The following STIM2 variants were observed in gnomAD, a reference collection of about 807,000 sequenced individuals.
STIM2 encodes the protein stromal interaction molecule 2.
In STIM2, 31 loss-of-function variants were observed where a neutral mutation model predicts 85.8. The ratio of observed to expected loss-of-function variants is 0.36; its 90% CI spans 0.27 to 0.49. STIM2 has a LOEUF of 0.49. Among genes scored for constraint, STIM2 ranks in the 20% least tolerant of loss-of-function variants. The pLI, the probability that STIM2 is intolerant of heterozygous loss-of-function variation, is 0.98. For missense variants in STIM2, 841 were observed against 927.6 expected, an observed-to-expected ratio of 0.91 and a Z score of 1.21; for synonymous variants, 356 against 331.1, an observed-to-expected ratio of 1.08 and a Z score of -0.82.
At chr4:26,965,016 C>T (rs1726657784) in intron 3 of STIM2, among the ~76,000 whole-genome samples, 1 of 152,146 alleles carries the variant, frequency 6.6e-6, no homozygotes, top group Non-Finnish European at 1.5e-5. Context: ...AAACACAAGG[C>T]TGTTAATATG....
At chr4:26,949,158 C>T (rs1020506480) in intron 2 of STIM2, among the ~76,000 whole-genome samples, 16 of 152,058 alleles carry the variant, frequency 1.1e-4, no homozygotes, top group African/African-American at 3.9e-4. Context: ...TAAATCTTGA[C>T]AAATTAATTT....
chr4:26,862,096 G>A (rs1722232968), intron 1 of STIM2, among the ~76,000 whole-genome samples: 1 of 152,132 alleles, frequency 6.6e-6, no homozygotes, highest in Non-Finnish European at 1.5e-5. Context: ...GCAGCTGGCA[G>A]CACAGTTCTG....
Position 27,002,315 on chromosome 4 carries a change from A to C in STIM2, c.724A>C (p.Lys242Gln). 1.2e-6 allele frequency: 2 copies of C among 1,613,708 alleles called. No homozygotes were observed. Among genetic ancestry groups the C allele is most frequent in the Non-Finnish European group, 1.7e-6 (2 of 1,179,840 alleles). ...TGCTTATACGCAGAATAAGACATCA[A>C]AAGAACATGTTGCAAAAATGATGAA... Residue 242 changes from lysine to glutamine, a missense_variant, in exon 6 of 12, where the codon AAA (lysine) becomes CAA (glutamine). This residue lies in a region of STIM2 where 408 missense variants were observed against 525.4 expected (regional missense o/e 0.78). Coordinates refer to ENST00000467087, the MANE Select transcript of STIM2 (RefSeq NM_020860.4).
intron 1 of STIM2, among the ~76,000 whole-genome samples, chr4:26,864,790 A>G (rs1722335868): frequency 6.6e-6 from 1 of 152,168 alleles, no homozygotes; most frequent in African/African-American, 2.4e-5. Flanking sequence ...AATAGCATTT[A>G]GAATGGCCAC....
At chr4:26,962,559 AGT>A (rs34301656) in intron 3 of STIM2, among the ~76,000 whole-genome samples, 28,649 of 142,322 alleles carry the variant, frequency 0.2, 2,598 homozygotes, top group East Asian at 0.36. Context: ...ACTTTAATGC[AGT>A]GTGTGTGTGT....
At chr4:26,874,905 T>C (rs1353562295) in intron 1 of STIM2, among the ~76,000 whole-genome samples, 1 of 152,240 alleles carries the variant, frequency 6.6e-6, no homozygotes, top group Non-Finnish European at 1.5e-5. Context: ...TTACTTTTAA[T>C]GCTGTGGTTA....
At chr4:26,877,122 C>T (rs1722840006) in intron 1 of STIM2, among the ~76,000 whole-genome samples, 1 of 152,064 alleles carries the variant, frequency 6.6e-6, no homozygotes, top group Non-Finnish European at 1.5e-5. Flanking sequence ...CCCTTTGGGA[C>T]ACCAATTAAG....
rs1728463745 is a variant in STIM2, at chr4:27,008,845, G to A, written c.1332G>A (p.Gln444=). Residue 444 remains glutamine, a synonymous_variant, in exon 10 of 12, where the codon CAG becomes CAA. Coordinates refer to ENST00000467087, the MANE Select transcript of STIM2 (RefSeq NM_020860.4). ...AAATTGAGAAGATCTGTGGCTTTCA[G>A]ATAGCCCATAACTCAGGACTCCCCA... The A allele has an allele frequency of 6.2e-7, 1 of 1,614,152 alleles. No homozygotes were observed. Among genetic ancestry groups the A allele is most frequent in the Non-Finnish European group, 8.5e-7 (1 of 1,180,016 alleles).
At chr4:26,953,180 G>A (rs1726120268) in intron 2 of STIM2, among the ~76,000 whole-genome samples, 1 of 152,058 alleles carries the variant, frequency 6.6e-6, no homozygotes, top group South Asian at 2.1e-4. Context: ...TTTGTTTCAG[G>A]ATATCTGAAA....
chr4:26,958,208 GTTCTCAAGGTGTA>G (rs1726322755), intron 3 of STIM2, among the ~76,000 whole-genome samples: 1 of 152,008 alleles, frequency 6.6e-6, no homozygotes. Flanking sequence ...CTACTGTTAA[GTTCTCAAGGTGTA>G]TTATGGACAG....
At chr4:27,007,457 T>TTGG in intron 7 of STIM2, 76 bp from the exon 8 acceptor site, 1 of 1,047,342 alleles carries the variant, frequency 9.5e-7, no homozygotes, top group Non-Finnish European at 1.3e-6. Context: ...TTTTTTTTAG[T>TTGG]TTGGGTTCTA....
At position 26,892,537 on chromosome 4, in the gene STIM2, A is replaced by G. The variant is rs538681782; in HGVS notation, c.152-26967A>G. ...AACATATGAATTTTTTTGGGGGGGG[A>G]CGCATATATTCAGTCCATGACACCC... On this transcript the variant is annotated intron_variant, in intron 1 of 11. Transcript: ENST00000467087. 4.0e-5 allele frequency among the ~76,000 whole-genome samples: 6 copies of G among 151,340 alleles called. No homozygotes were observed. In the South Asian group the frequency reaches 1.3e-3, roughly 32 times the overall value.
intron 4 of STIM2, among the ~76,000 whole-genome samples, chr4:26,997,256 T>C (rs1176415507): frequency 6.6e-6 from 1 of 152,206 alleles, no homozygotes; most frequent in Non-Finnish European, 1.5e-5. Context: ...GAAAATGTAT[T>C]ACATATTCTA....
At chr4:26,871,318 G>GGT (rs1204386285) in intron 1 of STIM2, among the ~76,000 whole-genome samples, 1 of 152,092 alleles carries the variant, frequency 6.6e-6, no homozygotes, top group Non-Finnish European at 1.5e-5. Context: ...TAAAGCATAA[G>GGT]GTATATATGG....
At chr4:27,013,917 A>G (rs1490192952) in intron 10 of STIM2, among the ~76,000 whole-genome samples, 1 of 152,006 alleles carries the variant, frequency 6.6e-6, no homozygotes, top group Non-Finnish European at 1.5e-5. Flanking sequence ...TTTAAACTAT[A>G]GTATTAATTT....
intron 11 of STIM2, chr4:27,021,071 G>C (rs1317412868): frequency 6.5e-7 from 1 of 1,531,962 alleles, no homozygotes; most frequent in African/African-American, 1.4e-5. Flanking sequence ...AAAAAAAAGT[G>C]AGTAAGATGT....
intron 11 of STIM2, among the ~76,000 whole-genome samples, chr4:27,019,176 T>G (rs1290342481): frequency 6.6e-6 from 1 of 152,150 alleles, no homozygotes; most frequent in Non-Finnish European, 1.5e-5. Context: ...AAGGGAGTGG[T>G]CTACACTCTT....
At chr4:26,891,512 T>G (rs902401697) in intron 1 of STIM2, among the ~76,000 whole-genome samples, 152 of 151,912 alleles carry the variant, frequency 1.0e-3, no homozygotes, top group African/African-American at 3.4e-3. Context: ...CATATATGTG[T>G]GTTTGTGCAT....
rs538947978 is a variant in STIM2 at position 26,961,595 on chromosome 4, A to G, written c.397+3869A>G. ...GGAAAGACAAAGAAAACAAATAATTACACTATAAGGTGATATGTACAATAA... is the reference window on the plus strand; with the variant it reads ...GGAAAGACAAAGAAAACAAATAATTGCACTATAAGGTGATATGTACAATAA... On this transcript the variant is annotated intron_variant, in intron 3 of 11. Transcript: ENST00000467087. Among the ~76,000 whole-genome samples, 3 of 152,262 alleles carry G rather than the reference A, an allele frequency of 2.0e-5. No homozygotes were observed. The South Asian group carries it at 6.2e-4, about 32-fold the overall frequency.
Sources: gnomAD v4.1 joint callset for allele counts (sites outside exome capture counted in the v4.1 genomes callset) on GRCh38, gnomAD v4.1.1 for gene constraint, gnomAD v4.1.1 regional missense constraint, MANE v1.5 for transcripts, NCBI Gene and HGNC (gene_info 2026-07-23, HGNC 2026-07-21) for gene names.